HS3ST5: variants seen among roughly 807,000 people sequenced by gnomAD.
The protein encoded by HS3ST5 is heparan sulfate-glucosamine 3-sulfotransferase 5.
A neutral mutation model predicts 25.4 loss-of-function variants in HS3ST5; 10 were observed. The ratio of observed to expected loss-of-function variants is 0.39; its 90% CI spans 0.24 to 0.67. The LOEUF (loss-of-function observed/expected upper bound fraction) is 0.67. Ranked by LOEUF, HS3ST5 falls within the 30% of genes least tolerant of loss-of-function variation. The pLI, the probability that HS3ST5 is intolerant of heterozygous loss-of-function variation, is 0.44. For missense variants in HS3ST5, 324 were observed against 420.7 expected (o/e 0.77, Z 2.01); for synonymous variants, 170 against 162.4 (o/e 1.05, Z -0.36).
At chr6:114,194,432 C>A (rs1183169986) in intron 2 of HS3ST5, among the ~76,000 whole-genome samples, 1 of 152,160 alleles carries the variant, frequency 6.6e-6, no homozygotes, top group African/African-American at 2.4e-5. Flanking sequence ...ACGTTGTAGT[C>A]TCTTTGTTAA....
intron 1 of HS3ST5, among the ~76,000 whole-genome samples, chr6:114,234,790 T>C (rs1229230846): frequency 6.6e-6 from 1 of 152,196 alleles, no homozygotes; most frequent in Non-Finnish European, 1.5e-5. Context: ...TTGTGTTTAT[T>C]CCATGCATGA....
intron 3 of HS3ST5, among the ~76,000 whole-genome samples, chr6:114,091,393 A>C (rs555160362): frequency 6.6e-6 from 1 of 152,304 alleles, no homozygotes; most frequent in East Asian, 1.9e-4. Context: ...TGTACTAAGC[A>C]GTGGCTGGGT....
rs144311340 is a variant in HS3ST5 at position 114,339,514 on chromosome 6, G to A, written c.-339+2681C>T. On this transcript the variant is annotated intron_variant, in intron 1 of 4. Coordinates refer to ENST00000312719, the MANE Select transcript of HS3ST5 (RefSeq NM_153612.4). ...CTGTTTCTGAGATTGTAAAAATAAAGAGACGGTAAGATTTAGGAGCAAAAT... is the reference window on the plus strand; with the variant it reads ...CTGTTTCTGAGATTGTAAAAATAAAAAGACGGTAAGATTTAGGAGCAAAAT... Among the ~76,000 whole-genome samples the A allele has an allele frequency of 2.0e-5, 3 of 150,232 alleles. No individual in the cohort carries two copies. The South Asian group carries it at 6.2e-4, about 31-fold the overall frequency.
chr6:114,126,673 A>G (rs1777053136), intron 3 of HS3ST5, among the ~76,000 whole-genome samples: 1 of 152,170 alleles, frequency 6.6e-6, no homozygotes, highest in African/African-American at 2.4e-5. Context: ...CCCTGGGTGA[A>G]TTTGCTGTCA....
chr6:114,130,152 A>G (rs1182330079), intron 3 of HS3ST5, among the ~76,000 whole-genome samples: 3 of 152,250 alleles, frequency 2.0e-5, no homozygotes, highest in African/African-American at 7.2e-5. Flanking sequence ...ATTTAAATTT[A>G]AAGTAATCAC....
intron 3 of HS3ST5, among the ~76,000 whole-genome samples, chr6:114,161,573 AT>A (rs1778974043): frequency 3.7e-5 from 4 of 109,072 alleles, no homozygotes; most frequent in South Asian, 2.9e-4. Flanking sequence ...ATATATATAT[AT>A]AAAATGCAAT....
At chr6:114,311,455 A>G (rs1014361326) in intron 1 of HS3ST5, among the ~76,000 whole-genome samples, 5 of 152,030 alleles carry the variant, frequency 3.3e-5, no homozygotes, top group African/African-American at 1.2e-4. Context: ...TATTTCCATC[A>G]CAATATTAAA....
intron 3 of HS3ST5, among the ~76,000 whole-genome samples, chr6:114,117,084 C>T (rs1394420644): frequency 6.6e-6 from 1 of 152,142 alleles, no homozygotes; most frequent in African/African-American, 2.4e-5. Context: ...TCCTCCCCCT[C>T]CCCATTCCGG....
intron 3 of HS3ST5, among the ~76,000 whole-genome samples, chr6:114,141,041 A>C (rs1486522713): frequency 6.6e-6 from 1 of 152,240 alleles, no homozygotes; most frequent in Non-Finnish European, 1.5e-5. Flanking sequence ...GGGAAATAAA[A>C]TGGCATTTTC....
rs761582183 is a variant in HS3ST5, at chr6:114,084,392, C to G, written c.-32-21515G>C. 4.8e-4 allele frequency: 366 copies of G among 755,612 alleles called. 9 individuals are homozygous for G. The highest frequency in any genetic ancestry group is 4.8e-3 in the South Asian group (358 of 74,160). The allele number at this position is 755,612 out of a possible 1,614,324, so 46.8% of individuals were successfully genotyped here. On this transcript the variant is annotated intron_variant, in intron 3 of 4. Coordinates refer to ENST00000312719, the MANE Select transcript of HS3ST5 (RefSeq NM_153612.4). The stretch of plus-strand genomic sequence containing the variant: ...TCACCCTGAAATTCCTCCTCGGTCA[C>G]AGCATTTTCAGCAGCAGCCTGCTCT...
chr6:114,201,156 T>A (rs1261003034), intron 2 of HS3ST5, among the ~76,000 whole-genome samples: 1 of 152,190 alleles, frequency 6.6e-6, no homozygotes, highest in Non-Finnish European at 1.5e-5. Context: ...ATATGTCCAG[T>A]ACTAAATTTG....
intron 3 of HS3ST5, among the ~76,000 whole-genome samples, chr6:114,131,055 A>C (rs1486826204): frequency 6.6e-6 from 1 of 150,846 alleles, no homozygotes; most frequent in African/African-American, 2.4e-5. Flanking sequence ...AAAATAAATA[A>C]ATAGAAAAAT....
chr6:114,093,422 C>G (rs1371285194), intron 3 of HS3ST5, among the ~76,000 whole-genome samples: 1 of 150,080 alleles, frequency 6.7e-6, no homozygotes, highest in Admixed American at 6.7e-5. Flanking sequence ...GTCTGCCCCT[C>G]TTTGCTTGTC....
intron 1 of HS3ST5, among the ~76,000 whole-genome samples, chr6:114,328,538 C>T (rs970851727): frequency 1.3e-5 from 2 of 152,202 alleles, no homozygotes; most frequent in Non-Finnish European, 2.9e-5. Flanking sequence ...TACTGTCTTT[C>T]TTTCTTTTTG....
chr6:114,251,242 C>T (rs1002970185), intron 1 of HS3ST5, among the ~76,000 whole-genome samples: 3 of 152,138 alleles, frequency 2.0e-5, no homozygotes, highest in African/African-American at 7.2e-5. Flanking sequence ...GAGGCACTTT[C>T]TTCAAATAAA....
At chr6:114,248,722 C>A (rs567016362) in intron 1 of HS3ST5, among the ~76,000 whole-genome samples, 9 of 152,186 alleles carry the variant, frequency 5.9e-5, no homozygotes, top group African/African-American at 1.9e-4. Context: ...AAGTTACAGT[C>A]TAATGATTCA....
At chr6:114,339,839 A>G (rs1582827519) in intron 1 of HS3ST5, among the ~76,000 whole-genome samples, 1 of 152,168 alleles carries the variant, frequency 6.6e-6, no homozygotes, top group East Asian at 1.9e-4. Context: ...TGGCTGGTTA[A>G]TATCTTATGT....
At chr6:114,132,548 C>T (rs1228007855) in intron 3 of HS3ST5, among the ~76,000 whole-genome samples, 1 of 152,148 alleles carries the variant, frequency 6.6e-6, no homozygotes, top group Non-Finnish European at 1.5e-5. Flanking sequence ...TAGCATTTTC[C>T]GTACTGTTTA....
At chr6:114,223,473 A>G (rs183067135) in intron 2 of HS3ST5, among the ~76,000 whole-genome samples, 143 of 151,882 alleles carry the variant, frequency 9.4e-4, no homozygotes, top group African/African-American at 3.4e-3. Flanking sequence ...GAAGGCAGGA[A>G]ACCTGCTGCG....
Sources: gnomAD v4.1 joint callset for allele counts (sites outside exome capture counted in the v4.1 genomes callset) on GRCh38, gnomAD v4.1.1 for gene constraint, MANE v1.5 for transcripts, NCBI Gene and HGNC (gene_info 2026-07-23, HGNC 2026-07-21) for gene names.